Variants in SSH1 observed in about 807,000 individuals in gnomAD.
SSH1 encodes protein phosphatase Slingshot homolog 1.
In SSH1, 43 loss-of-function variants were observed where a neutral mutation model predicts 79.7. That is an observed-to-expected ratio of 0.54 (90% CI 0.42 to 0.70). SSH1 has a LOEUF of 0.70. Ranked by LOEUF, SSH1 falls within the 30% of genes least tolerant of loss-of-function variation. The pLI, the probability that SSH1 is intolerant of heterozygous loss-of-function variation, is 0.00. For synonymous variants in SSH1, 599 were observed against 538.3 expected, an observed-to-expected ratio of 1.11 and a Z score of -1.56; for missense variants, 1,206 against 1,358.8, an observed-to-expected ratio of 0.89 and a Z score of 1.77.
chr12:108,809,856 T>C (rs1451793133), intron 6 of SSH1, 98 bp from the exon 7 acceptor site: 5 of 1,011,424 alleles, frequency 4.9e-6, no homozygotes, highest in African/African-American at 4.7e-5. Context: ...CTGCGCACGC[T>C]GGGAACAAGC....
chr12:108,841,157 A>G (rs555113539), intron 2 of SSH1, among the ~76,000 whole-genome samples: 106 of 152,338 alleles, frequency 7.0e-4, no homozygotes, highest in African/African-American at 2.5e-3. Flanking sequence ...GACGCCTCTC[A>G]AGATGGACCC....
intron 13 of SSH1, among the ~76,000 whole-genome samples, chr12:108,795,463 C>T (rs1272676862): frequency 1.3e-5 from 2 of 152,174 alleles, no homozygotes; most frequent in Admixed American, 1.3e-4. Context: ...CTATGTTGGC[C>T]AGGCTGGTCT....
In SSH1 at chr12:108,792,311, TTGC is replaced by T; in HGVS notation, c.1865_1867del (p.Ser622del). 6.2e-7 allele frequency: 1 copy of T among 1,614,196 alleles called. No homozygotes were observed. Among genetic ancestry groups the T allele is most frequent in the Admixed American group, 1.7e-5 (1 of 60,024 alleles). On this transcript the variant is annotated inframe_deletion, in exon 14 of 15. Transcript: ENST00000326495. ...CTCCATGCCGTTGGGACAGCTCCTCTTGCTGTTGTTGTTTAGGTTCTCCGAGTT... is the reference window on the plus strand; with the variant it reads ...CTCCATGCCGTTGGGACAGCTCCTCTTGTTGTTGTTTAGGTTCTCCGAGTT...
intron 5 of SSH1, among the ~76,000 whole-genome samples, chr12:108,813,931 ACT>A (rs976815948): frequency 2.0e-5 from 3 of 151,784 alleles, no homozygotes; most frequent in African/African-American, 7.3e-5. Context: ...CAGATATAAG[ACT>A]CTGAGTGAGG....
At chr12:108,792,886 T>C in intron 13 of SSH1, 57 bp from the exon 14 acceptor site, 2 of 1,607,142 alleles carry the variant, frequency 1.2e-6, no homozygotes, top group Admixed American at 3.4e-5. Context: ...CTGGGGGTGC[T>C]GGGAAGAGTA....
rs2039166454 is a variant in SSH1, at chr12:108,857,389, C to A, written c.69+39G>T. 1.0e-6 allele frequency: 1 copy of A among 988,468 alleles called. No individual in the cohort carries two copies. The highest frequency in any genetic ancestry group is 1.8e-5 in the African/African-American group (1 of 56,852). The allele number at this position is 988,468 out of a possible 1,614,324, so 61.2% of individuals were successfully genotyped here. On this transcript the variant is annotated intron_variant, in intron 1 of 14. Coordinates refer to ENST00000326495, the MANE Select transcript of SSH1 (RefSeq NM_018984.4). The surrounding 1 kb of genome is among the most constrained non-coding windows in gnomAD (Gnocchi z 4.7). ...AGCTCCGGCGGCCTCGGCGCGGCGT[C>A]CGGCGGCCCAGGCCGGGCGCGGCGA...
rs1333429759 is a variant in SSH1 at position 108,805,055 on chromosome 12, C to T, written c.954+1G>A. The T allele has an allele frequency of 7.4e-6, 12 of 1,613,972 alleles. No individual in the cohort carries two copies. Among genetic ancestry groups the T allele is most frequent in the African/African-American group, 4.0e-5 (3 of 74,916 alleles). The stretch of plus-strand genomic sequence containing the variant: ...GATACTGCCAGGGCCATGCCTCTTA[C>T]GAGATAAAGATGATCGAAGATAAGG... On this transcript the variant is annotated splice_donor_variant, in intron 10 of 14. Coordinates refer to ENST00000326495, the MANE Select transcript of SSH1 (RefSeq NM_018984.4). LOFTEE classifies it high-confidence loss of function.
chr12:108,842,662 C>A (rs1357658668), intron 2 of SSH1, among the ~76,000 whole-genome samples: 1 of 151,406 alleles, frequency 6.6e-6, no homozygotes, highest in Non-Finnish European at 1.5e-5. Flanking sequence ...GAAGAATGGA[C>A]TGCAAAGCCT....
chr12:108,830,210 G>A (rs1353563601), intron 2 of SSH1, among the ~76,000 whole-genome samples: 1 of 152,210 alleles, frequency 6.6e-6, no homozygotes, highest in Non-Finnish European at 1.5e-5. Context: ...CTGGCACTTT[G>A]GGAGGCCAAG....
Position 108,788,895 on chromosome 12 carries a change from G to C in SSH1, c.2243C>G (p.Pro748Arg). 6.2e-7 allele frequency: 1 copy of C among 1,614,170 alleles called. No individual in the cohort carries two copies. Among genetic ancestry groups the C allele is most frequent in the Non-Finnish European group, 8.5e-7 (1 of 1,180,026 alleles). Reference sequence around the variant, plus strand: ...AAGGAGGGACTTTGGCAGGACTTTTGGGGTCTCTCTGGAAGGTTCCAAAAG... The same window carrying C: ...AAGGAGGGACTTTGGCAGGACTTTTCGGGTCTCTCTGGAAGGTTCCAAAAG... ...ASLLEPSRET[P>R]KVLPKSLLLK... The change falls in exon 15 of 15, where the codon CCA (proline) becomes CGA (arginine). Residue 748 changes from proline to arginine, a missense_variant. By Grantham distance (103) the Pro-to-Arg change is moderately radical. Transcript: ENST00000326495.
At position 108,785,740 on chromosome 12, in the gene SSH1, C is replaced by A. The variant is rs914208251; in HGVS notation, c.*2248G>T. ...TTAAAGTTTTCAAAAATATATCATT[C>A]TCATACATAGACGTGGTTAAAAAAC... is the stretch of plus-strand genomic sequence containing the variant. On this transcript the variant is annotated 3_prime_UTR_variant, in exon 15 of 15. Coordinates refer to ENST00000326495, the MANE Select transcript of SSH1 (RefSeq NM_018984.4). 2.6e-5 allele frequency: 4 copies of A among 151,434 alleles called. No individual in the cohort carries two copies. The highest frequency in any genetic ancestry group is 5.9e-5 in the Non-Finnish European group (4 of 68,010). 9.4% of individuals were successfully genotyped at this position (151,434 alleles called of 1,614,324 possible).
In SSH1 at chr12:108,788,882, T is replaced by A; in HGVS notation, c.2256A>T (p.Pro752=). The change falls in exon 15 of 15, where the codon CCA becomes CCT. Residue 752 remains proline, a synonymous_variant. Coordinates refer to ENST00000326495, the MANE Select transcript of SSH1 (RefSeq NM_018984.4). The part of the protein sequence containing the change: ...EPSRETPKVL[P]KSLLLKNSHC... Reference sequence around the variant, plus strand: ...GAGAATTCTTCAAAAGGAGGGACTTTGGCAGGACTTTTGGGGTCTCTCTGG... The same window carrying A: ...GAGAATTCTTCAAAAGGAGGGACTTAGGCAGGACTTTTGGGGTCTCTCTGG... 1 of 1,614,236 alleles carries A rather than the reference T, an allele frequency of 6.2e-7. No homozygotes were observed. The highest frequency in any genetic ancestry group is 1.1e-5 in the South Asian group (1 of 91,086).
chr12:108,793,774 C>T (rs1162424477), intron 13 of SSH1, among the ~76,000 whole-genome samples: 1 of 152,164 alleles, frequency 6.6e-6, no homozygotes, highest in African/African-American at 2.4e-5. Context: ...CCTCAAGGAC[C>T]TTAAAGTAAT....
chr12:108,830,882 C>A (rs939985288), intron 2 of SSH1, among the ~76,000 whole-genome samples: 1 of 152,004 alleles, frequency 6.6e-6, no homozygotes, highest in Non-Finnish European at 1.5e-5. Flanking sequence ...TGAGCTCAAG[C>A]GATTGTTCCG....
intron 12 of SSH1, among the ~76,000 whole-genome samples, chr12:108,799,777 C>T (rs1051510520): frequency 1.3e-5 from 2 of 152,174 alleles, no homozygotes; most frequent in Non-Finnish European, 2.9e-5. Context: ...ATGGGGCTGG[C>T]CGTTTATTTG....
At chr12:108,851,311 A>G (rs1048999319) in intron 2 of SSH1, among the ~76,000 whole-genome samples, 18 of 152,326 alleles carry the variant, frequency 1.2e-4, no homozygotes, top group Middle Eastern at 6.8e-3. Flanking sequence ...AACATCGGAG[A>G]AAAGCTGAGC....
intron 2 of SSH1, among the ~76,000 whole-genome samples, chr12:108,839,197 C>G (rs992746676): frequency 1.3e-5 from 2 of 152,206 alleles, no homozygotes; most frequent in African/African-American, 4.8e-5. Context: ...TAAAAACCAC[C>G]TCCATTACCA....
Position 108,834,850 on chromosome 12 carries a change from G to C in SSH1, c.111-11489C>G, listed in dbSNP as rs550135650. On this transcript the variant is annotated intron_variant, in intron 2 of 14. Transcript: ENST00000326495. Reference sequence around the variant, plus strand: ...TTGACATACAGTAGATTGAAAGTAAGTGCTGGTAGATACACTGGCCAAGCT... The same window carrying C: ...TTGACATACAGTAGATTGAAAGTAACTGCTGGTAGATACACTGGCCAAGCT... Among the ~76,000 whole-genome samples the C allele has an allele frequency of 2.0e-5, 3 of 152,328 alleles. No homozygotes were observed. The South Asian group carries it at 6.2e-4, about 32-fold the overall frequency.
chr12:108,825,368 T>C (rs1040693086), intron 2 of SSH1, among the ~76,000 whole-genome samples: 2 of 152,194 alleles, frequency 1.3e-5, no homozygotes, highest in Non-Finnish European at 2.9e-5. Flanking sequence ...AAGTCTAAAG[T>C]ATGACTCTGG....
Sources: gnomAD v4.1 joint callset for allele counts (sites outside exome capture counted in the v4.1 genomes callset) on GRCh38, gnomAD v4.1.1 for gene constraint, Gnocchi (gnomAD v3.1) non-coding constraint, MANE v1.5 for transcripts, NCBI Gene and HGNC (gene_info 2026-07-23, HGNC 2026-07-21) for gene names.